Variants in AFG2A observed in about 807,000 individuals in gnomAD.
The protein encoded by AFG2A is AAA ATPase AFG2A.
the AFG2A span, chr4:122,923,095 C>G: frequency 1.6e-5 from 26 of 1,609,084 alleles, no homozygotes; most frequent in Non-Finnish European, 2.1e-5. Context: ...TTGAAGCGCG[C>G]ACATTGAGTC....
At chr4:122,930,877 A>G in the AFG2A span, among the ~76,000 whole-genome samples, 1 of 152,214 alleles carries the variant, frequency 6.6e-6, no homozygotes, top group Non-Finnish European at 1.5e-5. Flanking sequence ...AGGACTGGAT[A>G]TGTTTTAAAT....
the AFG2A span, among the ~76,000 whole-genome samples, chr4:123,143,183 A>G: frequency 4.4e-5 from 6 of 137,774 alleles, no homozygotes; most frequent in East Asian, 2.0e-4. Flanking sequence ...GTTTTTCCAG[A>G]AAAAAAAAAG....
the AFG2A span, among the ~76,000 whole-genome samples, chr4:123,263,425 C>A: frequency 2.0e-5 from 3 of 152,158 alleles, no homozygotes; most frequent in Non-Finnish European, 4.4e-5. Context: ...CCTCACAATG[C>A]CTAGCATAGC....
the AFG2A span, chr4:123,317,791 A>C: frequency 6.6e-6 from 1 of 152,260 alleles, no homozygotes; most frequent in Non-Finnish European, 1.5e-5. Context: ...GGGATGAAAC[A>C]TGGATGAACA....
the AFG2A span, chr4:122,936,020 T>A: frequency 2.2e-6 from 3 of 1,379,344 alleles, no homozygotes; most frequent in Non-Finnish European, 2.9e-6. Flanking sequence ...ATAGAAATAT[T>A]GAAAATTTAG....
At chr4:123,102,458 C>A in the AFG2A span, among the ~76,000 whole-genome samples, 1 of 151,798 alleles carries the variant, frequency 6.6e-6, no homozygotes, top group East Asian at 1.9e-4. Flanking sequence ...TCTTTTTTCA[C>A]AGATGTCTGA....
the AFG2A span, among the ~76,000 whole-genome samples, chr4:123,131,918 C>CAATA: frequency 6.6e-6 from 1 of 151,550 alleles, no homozygotes; most frequent in Non-Finnish European, 1.5e-5. Flanking sequence ...ACAGCAGCTG[C>CAATA]ACCATTTTAT....
chr4:123,015,529 G>A, the AFG2A span, among the ~76,000 whole-genome samples: 38 of 151,836 alleles, frequency 2.5e-4, 1 homozygote, highest in African/African-American at 8.9e-4. Context: ...AGGATCACAA[G>A]GCAGAAGAAT....
At chr4:123,070,895 T>C in the AFG2A span, among the ~76,000 whole-genome samples, 1 of 152,186 alleles carries the variant, frequency 6.6e-6, no homozygotes, top group Non-Finnish European at 1.5e-5. Context: ...TTATTGGTTT[T>C]CTTTGGGTTG....
chr4:123,171,635 C>T, the AFG2A span, among the ~76,000 whole-genome samples: 1 of 152,174 alleles, frequency 6.6e-6, no homozygotes, highest in African/African-American at 2.4e-5. Flanking sequence ...AATTATCCAT[C>T]TTCCCCTGCA....
At chr4:123,124,308 A>G in the AFG2A span, among the ~76,000 whole-genome samples, 4 of 152,232 alleles carry the variant, frequency 2.6e-5, no homozygotes, top group South Asian at 2.1e-4. Context: ...CTATGCAGCC[A>G]TAAAAAATGA....
the AFG2A span, among the ~76,000 whole-genome samples, chr4:123,058,712 C>T: frequency 1.4e-5 from 2 of 145,090 alleles, no homozygotes; most frequent in African/African-American, 2.5e-5. Flanking sequence ...CCCCATGATT[C>T]AGTTAATCTC....
the AFG2A span, among the ~76,000 whole-genome samples, chr4:123,209,586 A>T: frequency 4.3e-5 from 5 of 116,256 alleles, no homozygotes; most frequent in South Asian, 5.4e-4. Flanking sequence ...TGCATCAAGA[A>T]TTTTTTTTTT....
At chr4:123,151,898 T>A in the AFG2A span, among the ~76,000 whole-genome samples, 2 of 152,048 alleles carry the variant, frequency 1.3e-5, no homozygotes, top group African/African-American at 4.8e-5. Flanking sequence ...AATGATAGAC[T>A]GAAATAAAGA....
the AFG2A span, among the ~76,000 whole-genome samples, chr4:122,945,725 T>C: frequency 0.053 from 8,087 of 152,282 alleles, 670 homozygotes; most frequent in African/African-American, 0.18. Flanking sequence ...AGAAATCACC[T>C]GTCTTCTGTG....
At chr4:123,165,241 A>G in the AFG2A span, among the ~76,000 whole-genome samples, 1 of 152,172 alleles carries the variant, frequency 6.6e-6, no homozygotes, top group African/African-American at 2.4e-5. Context: ...GGGATTAAGT[A>G]TAAATGGACA....
At chr4:123,221,718 A>T in the AFG2A span, among the ~76,000 whole-genome samples, 2 of 152,134 alleles carry the variant, frequency 1.3e-5, no homozygotes, top group Non-Finnish European at 2.9e-5. Context: ...TGAAGTCAGG[A>T]GTTCGAGACC....
At chr4:123,051,884 G>A in the AFG2A span, among the ~76,000 whole-genome samples, 1,433 of 152,056 alleles carry the variant, frequency 9.4e-3, 32 homozygotes, top group African/African-American at 0.032. Flanking sequence ...TCTTTGATCT[G>A]TGTGAGTTTA....
At chr4:123,183,770 GT>G in the AFG2A span, among the ~76,000 whole-genome samples, 2 of 152,000 alleles carry the variant, frequency 1.3e-5, no homozygotes, top group African/African-American at 4.8e-5. Flanking sequence ...TGTTAGTTTT[GT>G]TTTTTTGAGA....
Sources: allele counts gnomAD v4.1 joint callset (sites outside exome capture counted in the v4.1 genomes callset), GRCh38; gene constraint gnomAD v4.1.1; transcripts MANE v1.5; gene names NCBI Gene and HGNC (gene_info 2026-07-23, HGNC 2026-07-21).